The following PRDM15 variants were observed in gnomAD, a reference collection of about 807,000 sequenced individuals.
The protein encoded by PRDM15 is PR/SET domain 15.
In PRDM15, 64 loss-of-function variants were observed where a neutral mutation model predicts 128.6. That is an observed-to-expected ratio of 0.50 (90% CI 0.41 to 0.61). The LOEUF (loss-of-function observed/expected upper bound fraction) is 0.61, where lower values mean the gene tolerates loss of function less well. PRDM15 is among the 20% of genes least tolerant of loss of function. The pLI is 0.00. For missense variants in PRDM15, 1,242 were observed against 1,569.1 expected, an observed-to-expected ratio of 0.79 and a Z score of 3.52; for synonymous variants, 615 against 621.8, an observed-to-expected ratio of 0.99 and a Z score of 0.16.
chr21:41,861,869 G>C (rs1042652040), intron 1 of PRDM15: 3 of 1,576,484 alleles, frequency 1.9e-6, no homozygotes, highest in Non-Finnish European at 2.6e-6. Flanking sequence ...AACAAGGGGA[G>C]GGGGGTGAAA....
intron 13 of PRDM15, among the ~76,000 whole-genome samples, chr21:41,823,737 T>C (rs1003401809): frequency 6.6e-6 from 1 of 152,218 alleles, no homozygotes; most frequent in Non-Finnish European, 1.5e-5. Context: ...TTTAAGCCCA[T>C]TTAAATATTT....
At chr21:41,818,950 G>A (rs1007775321) in intron 18 of PRDM15, among the ~76,000 whole-genome samples, 3 of 152,286 alleles carry the variant, frequency 2.0e-5, no homozygotes, top group South Asian at 2.1e-4. Flanking sequence ...CCACGCAGCC[G>A]ATTCTAGTCT....
chr21:41,829,194 CACACAT>C lies in PRDM15; in HGVS notation c.1367-867_1367-862del, dbSNP rs1235372989. Among the ~76,000 whole-genome samples the C allele has an allele frequency of 1.7e-3, 246 of 147,838 alleles. 1 individual carries two copies. The highest frequency in any genetic ancestry group is 3.0e-3 in the African/African-American group (119 of 39,124). ...ACACACACCACATACACACACCACA[CACACAT>C]ACACATACATGTCACACACACCATC... On this transcript the variant is annotated intron_variant, in intron 11 of 23. Transcript: ENST00000398548.
chr21:41,864,916 G>A (rs1326042802), intron 1 of PRDM15, among the ~76,000 whole-genome samples: 22 of 47,712 alleles, frequency 4.6e-4, no homozygotes, highest in African/African-American at 1.7e-3. Flanking sequence ...CACGCTTCCC[G>A]GAACGCCAAG....
intron 23 of PRDM15, among the ~76,000 whole-genome samples, chr21:41,802,087 T>C (rs1216770890): frequency 6.6e-6 from 1 of 152,168 alleles, no homozygotes; most frequent in African/African-American, 2.4e-5. Flanking sequence ...GCAATAAAGG[T>C]ATTTGCAGTA....
At chr21:41,817,322 T>C (rs950315933) in intron 18 of PRDM15, among the ~76,000 whole-genome samples, 1 of 152,234 alleles carries the variant, frequency 6.6e-6, no homozygotes, top group Non-Finnish European at 1.5e-5. Flanking sequence ...CAGTAAGTTC[T>C]TGTAGATCAT....
intron 3 of PRDM15, among the ~76,000 whole-genome samples, chr21:41,857,839 C>T (rs1338182352): frequency 1.3e-5 from 2 of 152,220 alleles, no homozygotes; most frequent in Admixed American, 1.3e-4. Flanking sequence ...ATGATGCCCT[C>T]GGGCTGTGGC....
intron 18 of PRDM15, 33 bp from the exon 19 acceptor site, chr21:41,815,869 AC>A (rs1296747369): frequency 1.2e-6 from 2 of 1,607,362 alleles, no homozygotes. Context: ...AGGCGGCCAC[AC>A]CCCCACGCAG....
chr21:41,825,322 G>A (rs918067858), intron 13 of PRDM15, among the ~76,000 whole-genome samples: 4 of 152,232 alleles, frequency 2.6e-5, no homozygotes, highest in African/African-American at 4.8e-5. Context: ...GACGCGCAGC[G>A]TGTTTGCTGG....
intron 6 of PRDM15, among the ~76,000 whole-genome samples, chr21:41,842,547 A>G (rs2063104170): frequency 6.6e-6 from 1 of 152,150 alleles, no homozygotes; most frequent in African/African-American, 2.4e-5. Context: ...GCTGGAGTGC[A>G]GTGTGCGATC....
intron 3 of PRDM15, among the ~76,000 whole-genome samples, chr21:41,858,850 G>A (rs889770250): frequency 1.3e-5 from 2 of 152,166 alleles, no homozygotes; most frequent in African/African-American, 4.8e-5. Flanking sequence ...AAAAATAAAT[G>A]AACGGTGTTG....
chr21:41,813,754 G>C (rs1229051481), intron 19 of PRDM15: 1 of 152,530 alleles, frequency 6.6e-6, no homozygotes, highest in Non-Finnish European at 1.5e-5. Flanking sequence ...TTGTGTTAGT[G>C]ATTGCGCAGG....
At chr21:41,874,296 G>C (rs950092292) in intron 1 of PRDM15, among the ~76,000 whole-genome samples, 1 of 151,800 alleles carries the variant, frequency 6.6e-6, no homozygotes, top group Admixed American at 6.6e-5. Context: ...AATAGGCAGA[G>C]AGCAAAGCCT....
At chr21:41,822,117 A>G in intron 14 of PRDM15, 80 bp from the exon 15 acceptor site, 27 of 1,581,424 alleles carry the variant, frequency 1.7e-5, no homozygotes, top group Non-Finnish European at 2.2e-5. Flanking sequence ...GGGACGACCA[A>G]TCATTTCCCC....
At position 41,836,535 on chromosome 21, in the gene PRDM15, G is replaced by A. The variant is rs757791073; in HGVS notation, c.1116C>T (p.Tyr372=). 8 of 1,612,800 alleles carry A rather than the reference G, an allele frequency of 5.0e-6. No individual in the cohort carries two copies. In the South Asian group the frequency reaches 7.7e-5, roughly 16 times the overall value. Residue 372 remains tyrosine (Y), a synonymous_variant, in exon 9 of 24, where the codon TAC becomes TAT. Transcript: ENST00000398548. Reference sequence around the variant, plus strand: ...AGATCTTGCTGCAGATATTGCACTGGTAAACCCGCTTGTGCTCCCCGAGCT... The same window carrying A: ...AGATCTTGCTGCAGATATTGCACTGATAAACCCGCTTGTGCTCCCCGAGCT... ...IKQLGEHKRV[Y]QCNICSKIFQ...
chr21:41,819,410 G>A (rs878951926), intron 18 of PRDM15, among the ~76,000 whole-genome samples, 172 bp downstream of exon 18: 4 of 145,834 alleles, frequency 2.7e-5, no homozygotes, highest in South Asian at 4.4e-4. Flanking sequence ...AGCCTGGCCC[G>A]TGGCCCTGGC....
intron 19 of PRDM15, chr21:41,814,895 A>G (rs1275497604): frequency 2.8e-5 from 4 of 144,466 alleles, no homozygotes; most frequent in Non-Finnish European, 5.9e-5. Flanking sequence ...GTGATTGCGC[A>G]GGGTGCTCTA....
intron 1 of PRDM15, among the ~76,000 whole-genome samples, chr21:41,878,204 TG>T (rs1014989750): frequency 4.3e-4 from 65 of 152,266 alleles, no homozygotes; most frequent in African/African-American, 1.5e-3. Flanking sequence ...CACTTGAGTC[TG>T]GCTTAAGCCA....
In PRDM15 at chr21:41,799,811, G is replaced by A. The variant is rs1006091263; in HGVS notation, c.*1429C>T. 3.3e-5 allele frequency: 5 copies of A among 152,576 alleles called. No homozygotes were observed. The highest frequency in any genetic ancestry group is 7.3e-5 in the Non-Finnish European group (5 of 68,040). The allele number at this position is 152,576 out of a possible 1,614,324, so 9.5% of individuals were successfully genotyped here. A position where few individuals can be genotyped will look rare whatever the true frequency, so the allele number is the denominator to read the frequency against. Reference sequence around the variant, plus strand: ...GGCAAAGCAGGACACCTTAAGGCAGGTTTGTCCTCTCACTGTGGCCACAAA... The same window carrying A: ...GGCAAAGCAGGACACCTTAAGGCAGATTTGTCCTCTCACTGTGGCCACAAA... On this transcript the variant is annotated 3_prime_UTR_variant, in exon 24 of 24. Transcript: ENST00000398548.
Sources: gnomAD v4.1 joint callset for allele counts (sites outside exome capture counted in the v4.1 genomes callset) on GRCh38, gnomAD v4.1.1 for gene constraint, MANE v1.5 for transcripts, NCBI Gene and HGNC (gene_info 2026-07-23, HGNC 2026-07-21) for gene names.